NOD2: variants seen among roughly 807,000 people sequenced by gnomAD.
NOD2 encodes nucleotide binding oligomerization domain containing 2, also known as nucleotide-binding oligomerization domain-containing protein 2.
Under a neutral mutation model 90.9 loss-of-function variants are expected in NOD2, and 86 were observed. The observed-to-expected ratio is 0.95, with a 90% CI of 0.79 to 1.13. NOD2 has a LOEUF of 1.13. Ranked by LOEUF, NOD2 falls within the 50% of genes most tolerant of loss-of-function variation. The pLI is 0.00. For synonymous variants in NOD2, 581 were observed against 554.6 expected (o/e 1.05, Z -0.67); for missense variants, 1,238 against 1,283.8 (o/e 0.96, Z 0.55).
At chr16:50,706,613 T>C (rs978546266) in intron 2 of NOD2, among the ~76,000 whole-genome samples, 3 of 152,144 alleles carry the variant, frequency 2.0e-5, no homozygotes, top group Non-Finnish European at 4.4e-5. Context: ...CTGGTCCACA[T>C]GGAGTTTCCA....
Position 50,731,839 on chromosome 16 carries a change from G to T in NOD2, c.*20G>T. On this transcript the variant is annotated 3_prime_UTR_variant, in exon 12 of 12. Transcript: ENST00000647318. The stretch of plus-strand genomic sequence containing the variant: ...CTTTGAAGTCTCCGGGAGGATGTTC[G>T]TCTCAGTTTGTTTGTGAGCAGGCTG... The T allele has an allele frequency of 6.2e-7, 1 of 1,600,058 alleles. No homozygotes were observed. The highest frequency in any genetic ancestry group is 8.6e-7 in the Non-Finnish European group (1 of 1,167,696).
Position 50,699,749 on chromosome 16 carries a change from C to T in NOD2, c.254C>T (p.Ala85Val), listed in dbSNP as rs1201282463. 24 of 1,613,924 alleles carry T rather than the reference C, an allele frequency of 1.5e-5. No individual in the cohort carries two copies. In the Admixed American group the frequency reaches 3.7e-4, roughly 25 times the overall value. ...ATCGCGGCTGCCCAAGAAGCCCAGGCCGACAGCCAGTCCCCCAAGCTGCAT... is the reference window on the plus strand; with the variant it reads ...ATCGCGGCTGCCCAAGAAGCCCAGGTCGACAGCCAGTCCCCCAAGCTGCAT... ...KLIAAAQEAQ[A>V]DSQSPKLHGC... The change falls in exon 2 of 12, where the codon GCC becomes GTC. Residue 85 changes from alanine to valine, a missense_variant. Physicochemically the swap from Ala to Val is moderately conservative, Grantham distance 64 (BLOSUM62 0). This residue lies in a region of NOD2 where 567 missense variants were observed against 577.3 expected (regional missense o/e 0.98). Transcript: ENST00000647318.
chr16:50,731,936 G>C lies in NOD2; in HGVS notation c.*117G>C. 1 of 776,158 alleles carries C rather than the reference G, an allele frequency of 1.3e-6. No homozygotes were observed. The highest frequency in any genetic ancestry group is 1.4e-5 in the South Asian group (1 of 71,840). The allele number at this position is 776,158 out of a possible 1,614,324, so 48.1% of individuals were successfully genotyped here. ...CAAAATGAGCCCTGTCCTGCCTAAG[G>C]CTGAACTTGTTTTCTGGGAACACCA... On this transcript the variant is annotated 3_prime_UTR_variant, in exon 12 of 12. Transcript: ENST00000647318.
chr16:50,700,027 C>T, intron 2 of NOD2, 73 bp downstream of exon 2: 1 of 1,414,662 alleles, frequency 7.1e-7, no homozygotes, highest in Non-Finnish European at 9.8e-7. Context: ...GATTTGTCCT[C>T]ATGAAGTCAG....
chr16:50,712,461 G>A, intron 4 of NOD2, 88 bp downstream of exon 4: 1 of 1,568,400 alleles, frequency 6.4e-7, no homozygotes, highest in Non-Finnish European at 8.7e-7. Context: ...CTAGAAGTCT[G>A]GGCCCAGCTT....
chr16:50,712,434 G>T (rs1964583281), intron 4 of NOD2, 61 bp downstream of exon 4: 2 of 1,602,822 alleles, frequency 1.2e-6, no homozygotes. Flanking sequence ...CTAAGTGTGG[G>T]AGCACCGAGC....
chr16:50,727,342 C>A, intron 10 of NOD2: 1 of 165,942 alleles, frequency 6.0e-6, no homozygotes, highest in South Asian at 1.6e-4. Flanking sequence ...GAGAATGTAG[C>A]TAACAAAAGT....
intron 7 of NOD2, among the ~76,000 whole-genome samples, chr16:50,720,629 T>A (rs1035413532): frequency 2.0e-5 from 3 of 152,158 alleles, no homozygotes; most frequent in African/African-American, 7.2e-5. Flanking sequence ...CTTGCACCTG[T>A]GCTGTTTCCA....
chr16:50,698,431 G>A (rs1313709437), intron 1 of NOD2, among the ~76,000 whole-genome samples: 5 of 152,192 alleles, frequency 3.3e-5, no homozygotes, highest in Non-Finnish European at 7.4e-5. Flanking sequence ...GCACCAGAAC[G>A]CTCGGAAACA....
chr16:50,716,558 T>C, intron 4 of NOD2, 29 bp from the exon 5 acceptor site: 1 of 1,601,930 alleles, frequency 6.2e-7, no homozygotes, highest in East Asian at 2.2e-5. Context: ...CTAGCTCCAT[T>C]TTCAAATGTA....
chr16:50,708,436 A>G (rs777916369), intron 3 of NOD2, among the ~76,000 whole-genome samples: 3 of 152,174 alleles, frequency 2.0e-5, no homozygotes, highest in Non-Finnish European at 4.4e-5. Context: ...CTTGGACCGC[A>G]CCACTTGAAC....
Position 50,710,777 on chromosome 16 carries a change from A to G in NOD2, c.785A>G (p.Asn262Ser), listed in dbSNP as rs5743271. The G allele has an allele frequency of 5.8e-3, 9,361 of 1,614,044 alleles. 48 individuals carry two copies. Among genetic ancestry groups the G allele is most frequent in the Non-Finnish European group, 7.0e-3 (8,205 of 1,179,990 alleles). ...EELFSTPGHLNDDADTVLVVG... is the reference protein window; with the variant it reads ...EELFSTPGHLSDDADTVLVVG... ...CTCTTCAGCACCCCTGGCCACCTCA[A>G]TGACGATGCGGACACTGTGCTGGTG... Residue 262 changes from asparagine to serine, a missense_variant, in exon 4 of 12, where the codon AAT (asparagine) becomes AGT (serine). Physicochemically the swap from Asn to Ser is conservative, Grantham distance 46. This residue lies in a region of NOD2 where 567 missense variants were observed against 577.3 expected (regional missense o/e 0.98). Transcript: ENST00000647318.
Position 50,712,096 on chromosome 16 carries a change from G to A in NOD2, c.2104G>A (p.Glu702Lys), listed in dbSNP as rs1964554383. Residue 702 changes from glutamate (E) to lysine (K), a missense_variant, in exon 4 of 12, where the codon GAG becomes AAG. This residue lies in a region of NOD2 where 667 missense variants were observed against 688.7 expected (regional missense o/e 0.97). Transcript: ENST00000647318. ...FHSIPPAAPG[E>K]AKSVHAMPGF... Reference sequence around the variant, plus strand: ...CTCCATCCCGCCAGCTGCACCGGGTGAGGCCAAGAGCGTGCATGCCATGCC... The same window carrying A: ...CTCCATCCCGCCAGCTGCACCGGGTAAGGCCAAGAGCGTGCATGCCATGCC... 6.2e-7 allele frequency: 1 copy of A among 1,613,930 alleles called. No homozygotes were observed. Among genetic ancestry groups the A allele is most frequent in the Non-Finnish European group, 8.5e-7 (1 of 1,180,022 alleles).
At chr16:50,730,184 T>A (rs1428146650) in intron 11 of NOD2, among the ~76,000 whole-genome samples, 1 of 152,214 alleles carries the variant, frequency 6.6e-6, no homozygotes, top group Non-Finnish European at 1.5e-5. Context: ...GGTTGAAGAA[T>A]GAAAAGAAAA....
chr16:50,697,381 A>G (rs1157267993), intron 1 of NOD2: 3 of 1,421,080 alleles, frequency 2.1e-6, no homozygotes, highest in Non-Finnish European at 2.9e-6. Context: ...CTTGGCCGCG[A>G]CATGCTCCCA....
At position 50,697,094 on chromosome 16, in the gene NOD2, G is replaced by T. The variant is rs184004210; in HGVS notation, c.-8-2394G>T. ...TCTGGAAGGCTGGTTGGCCAACTCT[G>T]GCCTCCGGCTTTTCCTTTGGGAATT... On this transcript the variant is annotated intron_variant, in intron 1 of 11. Coordinates refer to ENST00000647318, the MANE Select transcript of NOD2 (RefSeq NM_001370466.1). The T allele has an allele frequency of 9.3e-6, 7 of 751,256 alleles. No individual in the cohort carries two copies. In the East Asian group the frequency reaches 1.9e-4, roughly 20 times the overall value. 46.5% of individuals were successfully genotyped at this position (751,256 alleles called of 1,614,324 possible).
chr16:50,727,268 G>C (rs1965300509), intron 10 of NOD2: 1 of 153,842 alleles, frequency 6.5e-6, no homozygotes, highest in Non-Finnish European at 1.4e-5. Context: ...GAGTGCCTCA[G>C]TTGCCTCAAG....
Position 50,725,509 on chromosome 16 carries a change from A to G in NOD2, c.2822A>G (p.Gln941Arg). The G allele has an allele frequency of 6.2e-7, 1 of 1,614,030 alleles. No homozygotes were observed. Among genetic ancestry groups the G allele is most frequent in the Non-Finnish European group, 8.5e-7 (1 of 1,179,860 alleles). Reference sequence around the variant, plus strand: ...ACCAGCCTGGAGGAGAACCATCTCCAGGATGAAGGTGTATGTTCTCTCGCA... The same window carrying G: ...ACCAGCCTGGAGGAGAACCATCTCCGGGATGAAGGTGTATGTTCTCTCGCA... ...EELCLEENHL[Q>R]DEGVCSLAEG... Residue 941 changes from glutamine to arginine, a missense_variant, in exon 10 of 12, where the codon CAG becomes CGG. By Grantham distance (43) the Gln-to-Arg change is conservative. Transcript: ENST00000647318.
chr16:50,702,772 A>G (rs1391180807), intron 2 of NOD2, among the ~76,000 whole-genome samples: 2 of 152,262 alleles, frequency 1.3e-5, no homozygotes, highest in South Asian at 2.1e-4. Flanking sequence ...TTTCTTAACA[A>G]TGAAGAAACT....
Sources: gnomAD v4.1 joint callset for allele counts (sites outside exome capture counted in the v4.1 genomes callset) on GRCh38, gnomAD v4.1.1 for gene constraint, gnomAD v4.1.1 regional missense constraint, MANE v1.5 for transcripts, NCBI Gene and HGNC (gene_info 2026-07-23, HGNC 2026-07-21) for gene names.